The following CFAP70 variants were observed in gnomAD, a reference collection of about 807,000 sequenced individuals.
The protein encoded by CFAP70 is cilia- and flagella-associated protein 70.
Under a neutral mutation model 137.6 loss-of-function variants are expected in CFAP70, and 81 were observed. That is an observed-to-expected ratio of 0.59 (90% CI 0.49 to 0.71). CFAP70 has a LOEUF of 0.71. Ranked by LOEUF, CFAP70 falls within the 30% of genes least tolerant of loss-of-function variation. CFAP70 has a pLI of 0.00. For synonymous variants in CFAP70, 382 were observed against 423.6 expected (o/e 0.90, Z 1.20); for missense variants, 976 against 1,226.7 (o/e 0.80, Z 3.05).
exon 19 of CFAP70, chr10:73,291,271 T>C: frequency 6.2e-7 from 1 of 1,614,204 alleles, no homozygotes; most frequent in Admixed American, 1.7e-5. Flanking sequence ...CCATTTGTGA[T>C]TCCCCAAGGG....
chr10:73,333,414 A>C (rs562350890), intron 7 of CFAP70, among the ~76,000 whole-genome samples: 1 of 152,232 alleles, frequency 6.6e-6, no homozygotes, highest in Non-Finnish European at 1.5e-5. Context: ...GGAATCTCAG[A>C]GAATACCAAG....
chr10:73,257,109 T>A (rs952426866), intron 25 of CFAP70, among the ~76,000 whole-genome samples: 4 of 152,080 alleles, frequency 2.6e-5, no homozygotes, highest in Non-Finnish European at 4.4e-5. Flanking sequence ...TTTTTAGTGC[T>A]TTATTTAAGT....
chr10:73,263,445 C>T (rs1257190523), intron 25 of CFAP70, among the ~76,000 whole-genome samples: 2 of 152,138 alleles, frequency 1.3e-5, no homozygotes, highest in Admixed American at 6.5e-5. Flanking sequence ...TTTATGTCTC[C>T]AGTTTCTTTT....
At chr10:73,308,458 G>A (rs929513193) in intron 12 of CFAP70, among the ~76,000 whole-genome samples, 54 of 151,826 alleles carry the variant, frequency 3.6e-4, no homozygotes, top group African/African-American at 1.2e-3. Flanking sequence ...GAGAAACCCC[G>A]TCTCTATTAA....
At position 73,348,415 on chromosome 10, in the gene CFAP70, C is replaced by A; in HGVS notation, c.349+8G>T. The A allele has an allele frequency of 6.2e-7, 1 of 1,603,244 alleles. No homozygotes were observed. The highest frequency in any genetic ancestry group is 8.5e-7 in the Non-Finnish European group (1 of 1,171,722). On this transcript the variant is annotated splice_region_variant and intron_variant, in intron 4 of 26. Coordinates refer to ENST00000310715, the Ensembl canonical transcript of CFAP70. ...CATTTCTGCTTTTGGGCAAAGCACACATCTGACCTTCCAGTAAGGGAAGAA... is the reference window on the plus strand; with the variant it reads ...CATTTCTGCTTTTGGGCAAAGCACAAATCTGACCTTCCAGTAAGGGAAGAA...
At chr10:73,333,342 T>C (rs2052319985) in intron 7 of CFAP70, among the ~76,000 whole-genome samples, 1 of 151,880 alleles carries the variant, frequency 6.6e-6, no homozygotes, top group Admixed American at 6.6e-5. Flanking sequence ...GAAGAAATAT[T>C]TGAAGTAATA....
At chr10:73,319,473 CCACCT>C (rs2050676830) in intron 9 of CFAP70, among the ~76,000 whole-genome samples, 1 of 152,202 alleles carries the variant, frequency 6.6e-6, no homozygotes. Flanking sequence ...CCCCCTACCC[CCACCT>C]CAACATATCC....
At chr10:73,321,451 T>C (rs1274483862) in intron 9 of CFAP70, among the ~76,000 whole-genome samples, 1 of 152,160 alleles carries the variant, frequency 6.6e-6, no homozygotes, top group East Asian at 1.9e-4. Context: ...TAAATGTGGC[T>C]TCTAGTTCAA....
At chr10:73,266,352 T>C (rs762855600) in intron 25 of CFAP70, among the ~76,000 whole-genome samples, 4 of 152,194 alleles carry the variant, frequency 2.6e-5, no homozygotes, top group Non-Finnish European at 5.9e-5. Flanking sequence ...CATTGTTAGT[T>C]TTTTATCTAC....
intron 6 of CFAP70, among the ~76,000 whole-genome samples, chr10:73,339,337 C>T (rs545156937): frequency 1.5e-3 from 229 of 152,268 alleles, no homozygotes; most frequent in Non-Finnish European, 2.6e-3. Context: ...CTGGGTCTTC[C>T]TTTGACTTAC....
intron 25 of CFAP70, among the ~76,000 whole-genome samples, chr10:73,262,003 CATATGTAT>C (rs1175068784): frequency 9.1e-5 from 12 of 132,336 alleles, no homozygotes; most frequent in South Asian, 4.6e-4. Flanking sequence ...TATATGTATA[CATATGTAT>C]ATATGTATAT....
At chr10:73,313,850 A>G (rs1423454515) in intron 9 of CFAP70, among the ~76,000 whole-genome samples, 1 of 152,010 alleles carries the variant, frequency 6.6e-6, no homozygotes, top group East Asian at 1.9e-4. Flanking sequence ...TCAAAAAAGG[A>G]AAAAAAATTA....
intron 25 of CFAP70, among the ~76,000 whole-genome samples, chr10:73,269,113 G>T (rs2046026980): frequency 2.0e-5 from 3 of 152,188 alleles, no homozygotes; most frequent in Admixed American, 2.0e-4. Context: ...ATACTGTCCA[G>T]TGGAAAACTG....
chr10:73,278,199 T>C (rs1369263429), exon 20 of CFAP70: 1 of 1,613,930 alleles, frequency 6.2e-7, no homozygotes, highest in East Asian at 2.2e-5. Context: ...TGGTATCTCC[T>C]TGATAAATGT....
Position 73,341,631 on chromosome 10 carries a change from A to G in CFAP70, c.400-50T>C, listed in dbSNP as rs113320450. On this transcript the variant is annotated intron_variant, in intron 5 of 26. Transcript: ENST00000310715. ...AGGAAAATTTGTAAAGGACTTTGAA[A>G]TGGACAAGAAGATTATTCAAGTGTC... 22 of 1,478,372 alleles carry G rather than the reference A, an allele frequency of 1.5e-5. No individual in the cohort carries two copies. In the African/African-American group the frequency reaches 2.9e-4, roughly 20 times the overall value. The allele number at this position is 1,478,372 out of a possible 1,614,324, so 91.6% of individuals were successfully genotyped here.
chr10:73,327,826 A>G (rs2132267756), intron 8 of CFAP70, among the ~76,000 whole-genome samples: 1 of 152,328 alleles, frequency 6.6e-6, no homozygotes, highest in Admixed American at 6.5e-5. Context: ...CCACTGCTCA[A>G]CAAAATAAAA....
At chr10:73,337,643 G>T (rs998826282) in intron 6 of CFAP70, among the ~76,000 whole-genome samples, 1 of 152,138 alleles carries the variant, frequency 6.6e-6, no homozygotes, top group African/African-American at 2.4e-5. Flanking sequence ...AGTGGTTCAC[G>T]CCTGTAATCC....
At chr10:73,256,817 C>T (rs1197014464) in intron 25 of CFAP70, among the ~76,000 whole-genome samples, 2 of 148,844 alleles carry the variant, frequency 1.3e-5, no homozygotes, top group African/African-American at 5.0e-5. Context: ...GCAGGAGAAT[C>T]GCTTGAACCC....
At chr10:73,269,490 A>G in intron 25 of CFAP70, 124 bp downstream of exon 26, 2 of 594,564 alleles carry the variant, frequency 3.4e-6, no homozygotes, top group South Asian at 4.8e-5. Context: ...CAGCATAATG[A>G]TTACACCTAG....
Sources: allele counts gnomAD v4.1 joint callset (sites outside exome capture counted in the v4.1 genomes callset), GRCh38; gene constraint gnomAD v4.1.1; transcripts MANE v1.5; gene names NCBI Gene and HGNC (gene_info 2026-07-23, HGNC 2026-07-21).